Variants in COPB2 observed in about 807,000 individuals in gnomAD.
COPB2 encodes the protein coat protein complex I subunit beta 2.
In COPB2, 16 loss-of-function variants were observed where a neutral mutation model predicts 120.8. The ratio of observed to expected loss-of-function variants is 0.13; its 90% CI spans 0.09 to 0.20. COPB2 has a LOEUF of 0.20. Ranked by LOEUF, COPB2 falls within the 10% of genes least tolerant of loss-of-function variation. The pLI is 1.00. For synonymous variants in COPB2, 332 were observed against 366.3 expected (o/e 0.91, Z 1.07); for missense variants, 794 against 1,076.5 (o/e 0.74, Z 3.67).
chr3:139,377,957 A>G (rs1307666111), intron 5 of COPB2, 84 bp downstream of exon 5: 3 of 1,291,736 alleles, frequency 2.3e-6, no homozygotes, highest in Non-Finnish European at 3.0e-6. Context: ...AGATGGGTAC[A>G]TTTCTGACCA....
intron 15 of COPB2, among the ~76,000 whole-genome samples, chr3:139,363,381 T>C (rs1941460704): frequency 6.6e-6 from 1 of 152,158 alleles, no homozygotes; most frequent in South Asian, 2.1e-4. Flanking sequence ...GAACTGTACA[T>C]GTGATGGATC....
chr3:139,367,263 T>A, intron 13 of COPB2, 118 bp from the exon 14 acceptor site: 25 of 1,153,368 alleles, frequency 2.2e-5, no homozygotes, highest in South Asian at 3.6e-5. Context: ...AAATCCTTCC[T>A]ATTTCTAGAA....
Position 139,359,022 on chromosome 3 carries a change from T to C in COPB2, c.2460A>G (p.Pro820=). 1 of 1,612,974 alleles carries C rather than the reference T, an allele frequency of 6.2e-7. No homozygotes were observed. Among genetic ancestry groups the C allele is most frequent in the Non-Finnish European group, 8.5e-7 (1 of 1,179,682 alleles). The change falls in exon 19 of 22, where the codon CCA becomes CCG. Residue 820 remains proline, a synonymous_variant. Coordinates refer to ENST00000333188, the MANE Select transcript of COPB2 (RefSeq NM_004766.3). ...CCGTGACAAGTGGGTATTGTTTGGCTGGCCACAGATCAGCATGTGTTTCCT... is the reference window on the plus strand; with the variant it reads ...CCGTGACAAGTGGGTATTGTTTGGCCGGCCACAGATCAGCATGTGTTTCCT... ...WVKETHADLW[P]AKQYPLVTPN... is the part of the protein sequence containing the mutation.
chr3:139,363,736 G>C (rs1423832899), intron 15 of COPB2, among the ~76,000 whole-genome samples: 1 of 152,142 alleles, frequency 6.6e-6, no homozygotes, highest in Non-Finnish European at 1.5e-5. Flanking sequence ...TTAGGGTTCT[G>C]TCTGGCTATA....
intron 16 of COPB2, 60 bp from the exon 17 acceptor site, chr3:139,361,355 C>T (rs1245760545): frequency 1.3e-6 from 2 of 1,506,396 alleles, no homozygotes; most frequent in African/African-American, 2.8e-5. Flanking sequence ...ACATTTCCAA[C>T]ATTATTCTGT....
In COPB2 at chr3:139,368,185, T is replaced by G. The variant is rs772562874; in HGVS notation, c.1505A>C (p.His502Pro). 36 of 1,613,812 alleles carry G rather than the reference T, an allele frequency of 2.2e-5. No individual in the cohort carries two copies. Among genetic ancestry groups the G allele is most frequent in the Non-Finnish European group, 3.0e-5 (35 of 1,179,886 alleles). ...SEKVLAAQET[H>P]EGVTEDGIED... is the part of the protein sequence containing the mutation. The stretch of plus-strand genomic sequence containing the variant: ...AATGCCATCTTCAGTAACTCCCTCA[T>G]GTGTTTCCTGTGCAGCCAAGACTTT... Residue 502 changes from histidine (H) to proline (P), a missense_variant, in exon 13 of 22, where the codon CAT becomes CCT. Physicochemically the swap from His to Pro is moderately conservative, Grantham distance 77. Coordinates refer to ENST00000333188, the MANE Select transcript of COPB2 (RefSeq NM_004766.3).
chr3:139,386,837 TG>T (rs1458094628), intron 1 of COPB2, among the ~76,000 whole-genome samples: 1 of 151,986 alleles, frequency 6.6e-6, no homozygotes, highest in Non-Finnish European at 1.5e-5. Flanking sequence ...CTCCATAAGT[TG>T]GGCCAATGAA....
At chr3:139,388,796 C>T (rs1941987702) in intron 1 of COPB2, among the ~76,000 whole-genome samples, 1 of 141,384 alleles carries the variant, frequency 7.1e-6, no homozygotes, top group South Asian at 2.3e-4. Context: ...CGGCTAATTT[C>T]TTTTTTTTTT....
rs145236474 is a variant in COPB2 at position 139,373,740 on chromosome 3, C to T, written c.820G>A (p.Val274Ile). 50 of 1,614,018 alleles carry T rather than the reference C, an allele frequency of 3.1e-5. No individual in the cohort carries two copies. Among genetic ancestry groups the T allele is most frequent in the Non-Finnish European group, 4.2e-5 (50 of 1,180,012 alleles). Reference protein sequence around the residue: ...ESTLNYGMERVWCVASLRGSN... With the variant: ...ESTLNYGMERIWCVASLRGSN... ...CCTCTTAGACTGGCCACGCACCATA[C>T]CCTCTCCATTCCATAATTCAGTGTG... Residue 274 changes from valine to isoleucine, a missense_variant, in exon 8 of 22, where the codon GTA becomes ATA. Transcript: ENST00000333188.
chr3:139,377,879 C>T (rs1941744009), intron 5 of COPB2, among the ~76,000 whole-genome samples, 162 bp downstream of exon 5: 1 of 152,214 alleles, frequency 6.6e-6, no homozygotes, highest in African/African-American at 2.4e-5. Context: ...CTAAACAGAA[C>T]ATGTCGTTTG....
chr3:139,358,704 C>A, intron 20 of COPB2, 40 bp downstream of exon 20: 1 of 1,400,262 alleles, frequency 7.1e-7, no homozygotes, highest in Non-Finnish European at 1.0e-6. Context: ...AAAAAGTGAA[C>A]CATCTCAGCC....
At chr3:139,379,586 C>A in intron 2 of COPB2, 120 bp from the exon 3 acceptor site, 1 of 742,876 alleles carries the variant, frequency 1.3e-6, no homozygotes, top group South Asian at 2.1e-5. Context: ...TATTCTCAGG[C>A]TAAAATATAA....
At position 139,379,425 on chromosome 3, in the gene COPB2, T is replaced by C; in HGVS notation, c.183A>G (p.Arg61=). ...KTFEVCDLPV[R]AAKFVARKNW... ...TCTTCCTTGCAACAAACTTTGCAGC[T>C]CGAACAGGAAGATCACATACTTCAA... Residue 61 remains arginine (R), a synonymous_variant, in exon 3 of 22, where the codon CGA becomes CGG. Transcript: ENST00000333188. The C allele has an allele frequency of 6.2e-7, 1 of 1,614,124 alleles. No homozygotes were observed. The highest frequency in any genetic ancestry group is 8.5e-7 in the Non-Finnish European group (1 of 1,180,006).
chr3:139,366,733 A>G lies in COPB2; in HGVS notation c.1719T>C (p.Leu573=). The change falls in exon 15 of 22, where the codon CTT becomes CTC. Residue 573 remains leucine, a synonymous_variant. Transcript: ENST00000333188. ...TGTTCAATTCTTTATCCCCCAGATA[A>G]AGCCTGTTGTCTTTAGGAATGTAGC... ...LLGYIPKDNR[L]YLGDKELNII... The G allele has an allele frequency of 6.2e-7, 1 of 1,614,080 alleles. No individual in the cohort carries two copies. Among genetic ancestry groups the G allele is most frequent in the East Asian group, 2.2e-5 (1 of 44,880 alleles).
At chr3:139,366,987 G>A (rs1388848919) in intron 14 of COPB2, 28 bp downstream of exon 14, 2 of 1,590,908 alleles carry the variant, frequency 1.3e-6, no homozygotes, top group African/African-American at 2.7e-5. Context: ...TTAAAATTTA[G>A]GACAAATGCA....
At chr3:139,367,532 C>A (rs1231044148) in intron 13 of COPB2, among the ~76,000 whole-genome samples, 1 of 152,064 alleles carries the variant, frequency 6.6e-6, no homozygotes, top group East Asian at 1.9e-4. Flanking sequence ...AAGTGATCTG[C>A]CCACCTCGGC....
At chr3:139,382,494 T>A (rs1271563804) in intron 2 of COPB2, 2 of 152,206 alleles carry the variant, frequency 1.3e-5, no homozygotes, top group Non-Finnish European at 2.9e-5. Flanking sequence ...TAATACAGGG[T>A]ATGAGTTTAG....
intron 6 of COPB2, 141 bp downstream of exon 6, chr3:139,375,327 G>A: frequency 1.5e-6 from 1 of 674,848 alleles, no homozygotes; most frequent in East Asian, 3.2e-5. Context: ...GAGAATTCTG[G>A]GAACACAGTT....
At chr3:139,386,189 C>G (rs919600929) in intron 1 of COPB2, among the ~76,000 whole-genome samples, 2 of 152,114 alleles carry the variant, frequency 1.3e-5, no homozygotes, top group African/African-American at 4.8e-5. Flanking sequence ...AGTTCTCTGG[C>G]TCTTCTCTTC....
Sources: allele counts gnomAD v4.1 joint callset (sites outside exome capture counted in the v4.1 genomes callset), GRCh38; gene constraint gnomAD v4.1.1; transcripts MANE v1.5; gene names NCBI Gene and HGNC (gene_info 2026-07-23, HGNC 2026-07-21).